Variants in ST7 observed in about 807,000 individuals in gnomAD.
ST7 encodes the protein suppression of tumorigenicity 7.
A neutral mutation model predicts 78.7 loss-of-function variants in ST7; 28 were observed. The ratio of observed to expected loss-of-function variants is 0.36; its 90% CI spans 0.26 to 0.49. ST7 has a LOEUF of 0.49. Ranked by LOEUF, ST7 falls within the 20% of genes least tolerant of loss-of-function variation. The probability of loss-of-function intolerance (pLI) is 0.99; values close to 1 mark genes in which losing one functional copy is unlikely to be tolerated. For synonymous variants in ST7, 247 were observed against 249.6 expected (o/e 0.99, Z 0.10); for missense variants, 418 against 696.0 (o/e 0.60, Z 4.49).
chr7:117,163,289 T>C (rs1366460040), intron 9 of ST7, among the ~76,000 whole-genome samples: 4 of 152,200 alleles, frequency 2.6e-5, no homozygotes, highest in African/African-American at 4.8e-5. Context: ...TTTGGATAAA[T>C]GCCCAGTAGT....
At chr7:117,068,656 T>C (rs1798762055) in intron 1 of ST7, among the ~76,000 whole-genome samples, 1 of 152,242 alleles carries the variant, frequency 6.6e-6, no homozygotes, top group Non-Finnish European at 1.5e-5. Flanking sequence ...AACTGCATCC[T>C]TTTCTGTGCA....
intron 1 of ST7, among the ~76,000 whole-genome samples, chr7:116,993,405 C>T (rs1041213794): frequency 1.3e-5 from 2 of 152,094 alleles, no homozygotes; most frequent in Admixed American, 6.5e-5. Context: ...CTGATAGAAC[C>T]ATCGTATCTC....
chr7:116,977,535 A>G (rs1254666664), intron 1 of ST7, among the ~76,000 whole-genome samples: 1 of 152,170 alleles, frequency 6.6e-6, no homozygotes, highest in East Asian at 1.9e-4. Flanking sequence ...CAAGAGTGGT[A>G]GTATTTTTTT....
At chr7:117,036,535 G>A (rs1291620493) in intron 1 of ST7, among the ~76,000 whole-genome samples, 4 of 152,268 alleles carry the variant, frequency 2.6e-5, no homozygotes, top group Admixed American at 2.0e-4. Flanking sequence ...GTAAACAGCA[G>A]TGCTAGGCTC....
intron 2 of ST7, among the ~76,000 whole-genome samples, chr7:117,105,192 A>G (rs919713094): frequency 1.3e-5 from 2 of 152,356 alleles, no homozygotes; most frequent in Non-Finnish European, 1.5e-5. Flanking sequence ...ACTGGAGGTC[A>G]TTATGTTGAG....
intron 12 of ST7, among the ~76,000 whole-genome samples, chr7:117,208,986 A>G (rs1028275511): frequency 6.6e-6 from 1 of 151,220 alleles, no homozygotes; most frequent in Non-Finnish European, 1.5e-5. Flanking sequence ...CCAGAAAAGA[A>G]AGGTTAACAT....
intron 9 of ST7, among the ~76,000 whole-genome samples, chr7:117,158,297 G>C (rs1806862368): frequency 6.6e-6 from 1 of 152,124 alleles, no homozygotes; most frequent in Admixed American, 6.6e-5. Flanking sequence ...CATTTTTGTT[G>C]GGCTGTGCAT....
intron 1 of ST7, among the ~76,000 whole-genome samples, chr7:116,988,481 A>G (rs1044249167): frequency 2.0e-5 from 3 of 152,214 alleles, no homozygotes; most frequent in Admixed American, 6.5e-5. Context: ...ACATTGTTAT[A>G]TACAGATTTC....
At chr7:117,106,914 C>G (rs1337987103) in intron 2 of ST7, among the ~76,000 whole-genome samples, 1 of 152,162 alleles carries the variant, frequency 6.6e-6, no homozygotes, top group East Asian at 1.9e-4. Flanking sequence ...GCCACTGTGC[C>G]TGGCCCATTG....
chr7:117,212,994 T>G (rs1792410478), intron 13 of ST7, among the ~76,000 whole-genome samples: 2 of 152,228 alleles, frequency 1.3e-5, no homozygotes, highest in Non-Finnish European at 2.9e-5. Flanking sequence ...GAATTCTGAC[T>G]CAGCTACTTA....
At chr7:117,120,880 G>A (rs568793401) in intron 3 of ST7, among the ~76,000 whole-genome samples, 8 of 151,970 alleles carry the variant, frequency 5.3e-5, no homozygotes, top group Non-Finnish European at 8.8e-5. Flanking sequence ...GCTTAATCAA[G>A]GCATCCACTA....
intron 1 of ST7, among the ~76,000 whole-genome samples, chr7:117,021,265 G>C (rs1007148460): frequency 2.0e-5 from 3 of 152,088 alleles, no homozygotes; most frequent in African/African-American, 7.2e-5. Flanking sequence ...CTGCACAATG[G>C]GCTAGGCAGG....
Position 117,080,516 on chromosome 7 carries a change from G to A in ST7, c.152-19246G>A, listed in dbSNP as rs1441569333. On this transcript the variant is annotated intron_variant, in intron 1 of 15. Transcript: ENST00000323984. ...TGCTTTTGCAAATAATATATTTATA[G>A]ATATATTTTTGCTGAATATCCTTGA... Among the ~76,000 whole-genome samples, 3 of 151,820 alleles carry A rather than the reference G, an allele frequency of 2.0e-5. No homozygotes were observed. The South Asian group carries it at 6.2e-4, about 32-fold the overall frequency.
At chr7:117,057,605 T>C (rs1460869815) in intron 1 of ST7, among the ~76,000 whole-genome samples, 1 of 152,186 alleles carries the variant, frequency 6.6e-6, no homozygotes, top group Non-Finnish European at 1.5e-5. Flanking sequence ...CAGCAAATAA[T>C]TGCCCAATTG....
chr7:117,213,939 T>A (rs1792486953), intron 13 of ST7, among the ~76,000 whole-genome samples: 1 of 152,162 alleles, frequency 6.6e-6, no homozygotes, highest in Non-Finnish European at 1.5e-5. Flanking sequence ...AAACGAAGGG[T>A]CTCGTTTGAA....
chr7:116,979,885 A>C (rs1793870548), intron 1 of ST7, among the ~76,000 whole-genome samples: 1 of 151,402 alleles, frequency 6.6e-6, no homozygotes, highest in Admixed American at 6.6e-5. Context: ...CTCCATTCAA[A>C]GTATGCTTTA....
chr7:116,957,331 A>C (rs1272741555), intron 1 of ST7, among the ~76,000 whole-genome samples: 1 of 152,194 alleles, frequency 6.6e-6, no homozygotes, highest in Non-Finnish European at 1.5e-5. Flanking sequence ...ACATAATAGG[A>C]ATAGTACATA....
chr7:117,062,692 G>T (rs1441606799), intron 1 of ST7, among the ~76,000 whole-genome samples: 1 of 152,122 alleles, frequency 6.6e-6, no homozygotes, highest in African/African-American at 2.4e-5. Flanking sequence ...TAATACAATA[G>T]TTTATCATGG....
chr7:117,156,502 A>T (rs959386016), intron 9 of ST7, among the ~76,000 whole-genome samples: 1 of 152,210 alleles, frequency 6.6e-6, no homozygotes, highest in Non-Finnish European at 1.5e-5. Flanking sequence ...AGGAAATTGG[A>T]TGGAGGCCTG....
Sources: gnomAD v4.1 joint callset for allele counts (sites outside exome capture counted in the v4.1 genomes callset) on GRCh38, gnomAD v4.1.1 for gene constraint, MANE v1.5 for transcripts, NCBI Gene and HGNC (gene_info 2026-07-23, HGNC 2026-07-21) for gene names.